KLHL29: variants seen among roughly 807,000 people sequenced by gnomAD.
KLHL29 encodes the protein kelch-like protein 29.
A neutral mutation model predicts 80.4 loss-of-function variants in KLHL29; 21 were observed. The observed-to-expected ratio is 0.26, with a 90% CI of 0.19 to 0.38. The LOEUF is 0.38. Among genes scored for constraint, KLHL29 ranks in the 10% least tolerant of loss-of-function variants. KLHL29 has a pLI of 1.00. For missense variants in KLHL29, 867 were observed against 1,223.9 expected (o/e 0.71, Z 4.35); for synonymous variants, 511 against 526.8 (o/e 0.97, Z 0.41).
intron 2 of KLHL29, among the ~76,000 whole-genome samples, chr2:23,554,473 C>T (rs903908766): frequency 6.6e-6 from 1 of 152,182 alleles, no homozygotes; most frequent in Non-Finnish European, 1.5e-5. Context: ...GCCTTCGGGG[C>T]CCTCACAGCC....
At position 23,703,718 on chromosome 2, in the gene KLHL29, GACA is replaced by G. The variant is rs1465350571; in HGVS notation, c.2304_2306del (p.Asn768del). 3 of 1,535,260 alleles carry G rather than the reference GACA, an allele frequency of 2.0e-6. No homozygotes were observed. The highest frequency in any genetic ancestry group is 2.6e-6 in the Non-Finnish European group (3 of 1,145,978). ...ACCTGCCTGCTCTGCTCTCCTCACA[GACA>G]ACAAGTATGCCCCCGCTGTCACGCT... On this transcript the variant is annotated inframe_deletion and splice_region_variant, in exon 13 of 14. Transcript: ENST00000486442.
At chr2:23,420,350 G>C (rs72846871) in intron 1 of KLHL29, among the ~76,000 whole-genome samples, 1 of 152,050 alleles carries the variant, frequency 6.6e-6, no homozygotes, top group Non-Finnish European at 1.5e-5. Context: ...TTCTCACTGC[G>C]TGCAGCCCGT....
chr2:23,679,976 GGGAGTGGA>G (rs1671029966), intron 5 of KLHL29, among the ~76,000 whole-genome samples: 1 of 152,214 alleles, frequency 6.6e-6, no homozygotes, highest in Non-Finnish European at 1.5e-5. Flanking sequence ...AGGGTCCCCT[GGGAGTGGA>G]GGAGGAGCGG....
At chr2:23,496,425 A>G (rs1427230231) in intron 2 of KLHL29, among the ~76,000 whole-genome samples, 1 of 152,124 alleles carries the variant, frequency 6.6e-6, no homozygotes, top group African/African-American at 2.4e-5. Context: ...CATTCATTCC[A>G]GGTCCTCTTA....
chr2:23,508,341 G>A (rs2103460028), intron 2 of KLHL29, among the ~76,000 whole-genome samples: 1 of 152,336 alleles, frequency 6.6e-6, no homozygotes, highest in East Asian at 1.9e-4. Context: ...CACCTGCAGG[G>A]GCTGGAGATC....
At position 23,394,421 on chromosome 2, in the gene KLHL29, A is replaced by G. The variant is rs148370206; in HGVS notation, c.-154+8641A>G. Among the ~76,000 whole-genome samples the G allele has an allele frequency of 2.6e-5, 4 of 152,296 alleles. No individual in the cohort carries two copies. The East Asian group carries it at 5.8e-4, about 22-fold the overall frequency. On this transcript the variant is annotated intron_variant, in intron 1 of 13. Coordinates refer to ENST00000486442, the MANE Select transcript of KLHL29 (RefSeq NM_052920.2). Reference sequence around the variant, plus strand: ...ATCTCATTTTTGCTCACCCTGTCGCATGGGTGACTTCACAGTGGTGGTATT... The same window carrying G: ...ATCTCATTTTTGCTCACCCTGTCGCGTGGGTGACTTCACAGTGGTGGTATT...
chr2:23,456,220 G>A (rs1000254503), intron 1 of KLHL29, among the ~76,000 whole-genome samples: 8 of 152,228 alleles, frequency 5.3e-5, no homozygotes, highest in African/African-American at 1.9e-4. Context: ...CTGTTTGATG[G>A]TAGGAGCCAG....
At chr2:23,557,579 C>T (rs1467067034) in intron 2 of KLHL29, among the ~76,000 whole-genome samples, 1 of 152,060 alleles carries the variant, frequency 6.6e-6, no homozygotes, top group East Asian at 1.9e-4. Context: ...CTGGGCTTTG[C>T]TTTCATTCAC....
rs550293277 is a variant in KLHL29, at chr2:23,682,583, T to C, written c.941-1816T>C. On this transcript the variant is annotated intron_variant, in intron 5 of 13. Coordinates refer to ENST00000486442, the MANE Select transcript of KLHL29 (RefSeq NM_052920.2). This position sits in a 1 kb window ranked among gnomAD's most constrained non-coding sequence, Gnocchi z 4.1. ...AAGCTGGAGCTCCCAGGCAAGACTG[T>C]TGCGATCTGGCCCCGCCCACCGCCT... Among the ~76,000 whole-genome samples, 9 of 152,286 alleles carry C rather than the reference T, an allele frequency of 5.9e-5. No homozygotes were observed. Among genetic ancestry groups the C allele is most frequent in the East Asian group, 1.9e-4 (1 of 5,160 alleles).
intron 1 of KLHL29, 141 bp from the exon 2 acceptor site, chr2:23,475,417 CAG>C (rs1225336753): frequency 4.9e-5 from 5 of 102,974 alleles, no homozygotes; most frequent in Non-Finnish European, 1.0e-4. Flanking sequence ...ATATCTGAGG[CAG>C]AGACTAGCAT....
intron 5 of KLHL29, among the ~76,000 whole-genome samples, chr2:23,653,129 C>T (rs1202875698): frequency 6.6e-6 from 1 of 152,184 alleles, no homozygotes; most frequent in Non-Finnish European, 1.5e-5. Context: ...AACCCTTCTG[C>T]CTCCCTCGTT....
chr2:23,415,252 C>T (rs184040829), intron 1 of KLHL29, among the ~76,000 whole-genome samples: 46 of 152,296 alleles, frequency 3.0e-4, no homozygotes, highest in African/African-American at 8.4e-4. Context: ...TAATGCAAGA[C>T]GGGCTTAGCT....
chr2:23,548,894 G>A (rs1352430281), intron 2 of KLHL29, among the ~76,000 whole-genome samples: 1 of 152,222 alleles, frequency 6.6e-6, no homozygotes, highest in Non-Finnish European at 1.5e-5. Flanking sequence ...TGCCCTGGGA[G>A]TGGAAGATCT....
intron 5 of KLHL29, among the ~76,000 whole-genome samples, chr2:23,662,478 G>A (rs1332488822): frequency 6.6e-6 from 1 of 152,174 alleles, no homozygotes; most frequent in East Asian, 1.9e-4. Context: ...GCCATGCGAG[G>A]CCTTGACAGT....
chr2:23,691,939 A>AT, intron 7 of KLHL29, 63 bp downstream of exon 7: 1 of 1,486,152 alleles, frequency 6.7e-7, no homozygotes, highest in Non-Finnish European at 9.1e-7. Context: ...AGAACTCCAT[A>AT]AACAGCAAGG....
chr2:23,424,285 CATGTGTGT>C (rs776267977), intron 1 of KLHL29, among the ~76,000 whole-genome samples: 1 of 152,148 alleles, frequency 6.6e-6, no homozygotes, highest in Non-Finnish European at 1.5e-5. Context: ...TGCACGTGTG[CATGTGTGT>C]GCGTGGGCGG....
chr2:23,436,328 G>GTGTGTC (rs1558337603), intron 1 of KLHL29, among the ~76,000 whole-genome samples: 9 of 135,642 alleles, frequency 6.6e-5, no homozygotes, highest in Non-Finnish European at 3.2e-5. Context: ...GTGTGTGTGT[G>GTGTGTC]TGTCTCAGCA....
intron 2 of KLHL29, among the ~76,000 whole-genome samples, chr2:23,544,707 G>T (rs1666936753): frequency 6.6e-6 from 1 of 152,192 alleles, no homozygotes; most frequent in African/African-American, 2.4e-5. Flanking sequence ...AGGCTGGAAG[G>T]CAATAAGAAC....
chr2:23,626,409 AAGC>A (rs1669310052), intron 3 of KLHL29, among the ~76,000 whole-genome samples: 6 of 152,196 alleles, frequency 3.9e-5, no homozygotes, highest in South Asian at 4.1e-4. Flanking sequence ...CCCCTGGTTT[AAGC>A]CATCCAGTGA....
Sources: gnomAD v4.1 joint callset for allele counts (sites outside exome capture counted in the v4.1 genomes callset) on GRCh38, gnomAD v4.1.1 for gene constraint, Gnocchi (gnomAD v3.1) non-coding constraint, MANE v1.5 for transcripts, NCBI Gene and HGNC (gene_info 2026-07-23, HGNC 2026-07-21) for gene names.